WWC1: variants seen among roughly 807,000 people sequenced by gnomAD.
WWC1 encodes the protein protein KIBRA.
A neutral mutation model predicts 138.4 loss-of-function variants in WWC1; 55 were observed. That is an observed-to-expected ratio of 0.40 (90% confidence interval 0.32 to 0.50). The LOEUF (loss-of-function observed/expected upper bound fraction) is 0.50, where lower values mean the gene tolerates loss of function less well. Ranked by LOEUF, WWC1 falls within the 20% of genes least tolerant of loss-of-function variation. The pLI is 0.72. For synonymous variants in WWC1, 524 were observed against 564.9 expected (o/e 0.93, Z 1.03); for missense variants, 1,226 against 1,420.4 (o/e 0.86, Z 2.20).
intron 1 of WWC1, among the ~76,000 whole-genome samples, chr5:168,363,985 G>T (rs1311870639): frequency 6.6e-6 from 1 of 152,098 alleles, no homozygotes; most frequent in East Asian, 1.9e-4. Context: ...GAGATAAAGG[G>T]TGATGTGATT....
intron 8 of WWC1, chr5:168,411,855 C>A: frequency 2.2e-6 from 1 of 453,492 alleles, no homozygotes; most frequent in Non-Finnish European, 2.9e-6. Context: ...GTTTCCAGTG[C>A]TGGGAAAAGT....
intron 1 of WWC1, among the ~76,000 whole-genome samples, chr5:168,355,451 G>A (rs755268915): frequency 7.5e-6 from 1 of 133,112 alleles, no homozygotes; most frequent in Non-Finnish European, 1.5e-5. Context: ...CTGAGATCGC[G>A]CCACTACACT....
chr5:168,425,557 A>C, intron 11 of WWC1, among the ~76,000 whole-genome samples: 1 of 146,462 alleles, frequency 6.8e-6, no homozygotes, highest in African/African-American at 2.6e-5. Flanking sequence ...CAGTGGCACC[A>C]TCTGGCTCAC....
At chr5:168,309,132 C>G (rs1177685559) in intron 1 of WWC1, among the ~76,000 whole-genome samples, 1 of 151,896 alleles carries the variant, frequency 6.6e-6, no homozygotes, top group East Asian at 1.9e-4. Context: ...GCTCCCAACT[C>G]CCTTCCTTTA....
intron 1 of WWC1, among the ~76,000 whole-genome samples, chr5:168,294,758 T>C (rs770720206): frequency 6.6e-6 from 1 of 152,176 alleles, no homozygotes; most frequent in Non-Finnish European, 1.5e-5. Flanking sequence ...CCCGAGTAGC[T>C]GGGACTACAG....
intron 21 of WWC1, 37 bp downstream of exon 21, chr5:168,464,999 C>T (rs984692983): frequency 2.5e-6 from 4 of 1,607,884 alleles, no homozygotes; most frequent in Non-Finnish European, 3.4e-6. Context: ...GCCCTGCGCT[C>T]TGCCCCAGAG....
At chr5:168,304,161 C>T (rs1233497734) in intron 1 of WWC1, among the ~76,000 whole-genome samples, 2 of 152,110 alleles carry the variant, frequency 1.3e-5, no homozygotes, top group Non-Finnish European at 2.9e-5. Context: ...CATTACAGTC[C>T]CCATAATATA....
chr5:168,435,585 A>G (rs1451444491), intron 15 of WWC1, among the ~76,000 whole-genome samples: 2 of 151,820 alleles, frequency 1.3e-5, no homozygotes, highest in African/African-American at 4.8e-5. Flanking sequence ...TAATTTTTGT[A>G]TTTTTTGTAG....
chr5:168,360,476 G>A (rs1400997616), intron 1 of WWC1, among the ~76,000 whole-genome samples: 1 of 152,224 alleles, frequency 6.6e-6, no homozygotes, highest in Non-Finnish European at 1.5e-5. Context: ...TTTACATGGA[G>A]CATATGGTCC....
At chr5:168,345,420 C>T (rs72828878) in intron 1 of WWC1, among the ~76,000 whole-genome samples, 1 of 152,176 alleles carries the variant, frequency 6.6e-6, no homozygotes, top group African/African-American at 2.4e-5. Flanking sequence ...TTTTAAAGGG[C>T]CTGTTGTCTC....
At chr5:168,407,972 C>T (rs571213891) in intron 6 of WWC1, among the ~76,000 whole-genome samples, 13 of 151,846 alleles carry the variant, frequency 8.6e-5, no homozygotes, top group African/African-American at 2.9e-4. Context: ...AAGCAATCCT[C>T]CCACCTCAGC....
At chr5:168,420,964 A>G (rs919420949) in intron 9 of WWC1, among the ~76,000 whole-genome samples, 1 of 152,178 alleles carries the variant, frequency 6.6e-6, no homozygotes, top group Admixed American at 6.5e-5. Flanking sequence ...TTTCCTAGCC[A>G]ACTGCTGTCC....
At chr5:168,406,553 G>A (rs900147856) in intron 6 of WWC1, among the ~76,000 whole-genome samples, 3 of 152,192 alleles carry the variant, frequency 2.0e-5, no homozygotes, top group Admixed American at 1.3e-4. Context: ...GAGTTGGAAT[G>A]GAAGTCATCT....
intron 1 of WWC1, among the ~76,000 whole-genome samples, chr5:168,323,969 A>G (rs541825282): frequency 6.6e-6 from 1 of 152,374 alleles, no homozygotes; most frequent in African/African-American, 2.4e-5. Flanking sequence ...AAACCAAAAC[A>G]TAACTGAATG....
chr5:168,431,220 C>A, intron 14 of WWC1, 32 bp from the exon 15 acceptor site: 1 of 1,582,440 alleles, frequency 6.3e-7, no homozygotes, highest in Non-Finnish European at 8.6e-7. Flanking sequence ...ATGGGCTGAC[C>A]CAAGATTTCC....
At chr5:168,365,523 G>C (rs1041351052) in intron 1 of WWC1, among the ~76,000 whole-genome samples, 1 of 152,210 alleles carries the variant, frequency 6.6e-6, no homozygotes, top group Non-Finnish European at 1.5e-5. Context: ...CCTCTGAGCT[G>C]CCTCCTTAGA....
Position 168,295,632 on chromosome 5 carries a change from A to C in WWC1, c.119+3361A>C, listed in dbSNP as rs181102009. Among the ~76,000 whole-genome samples the C allele has an allele frequency of 1.4e-3, 220 of 152,208 alleles. No homozygotes were observed. The Middle Eastern group carries it at 0.02, about 14-fold the overall frequency. On this transcript the variant is annotated intron_variant, in intron 1 of 22. Transcript: ENST00000265293. ...CAGTCAGAAAAGTGATTTCTTAGCC[A>C]CCAAGGACAAAATAGCGTCTCTGGT...
chr5:168,430,351 A>G (rs1477437883), intron 14 of WWC1, 128 bp downstream of exon 14: 12 of 662,612 alleles, frequency 1.8e-5, no homozygotes, highest in Admixed American at 8.2e-5. Context: ...TGTACTGCAT[A>G]TGACTGTGAT....
intron 2 of WWC1, among the ~76,000 whole-genome samples, chr5:168,374,553 A>G (rs1777028519): frequency 6.6e-6 from 1 of 152,174 alleles, no homozygotes; most frequent in Non-Finnish European, 1.5e-5. Flanking sequence ...ATATAACATA[A>G]TGAGTGAGGA....
Sources: gnomAD v4.1 joint callset for allele counts (sites outside exome capture counted in the v4.1 genomes callset) on GRCh38, gnomAD v4.1.1 for gene constraint, MANE v1.5 for transcripts, NCBI Gene and HGNC (gene_info 2026-07-23, HGNC 2026-07-21) for gene names.